PRODH2: variants seen among roughly 807,000 people sequenced by gnomAD.
PRODH2 encodes hydroxyproline dehydrogenase.
PRODH2 carries 49 observed loss-of-function variants against 51.9 expected under a neutral mutation model. The ratio of observed to expected loss-of-function variants is 0.94; its 90% CI spans 0.75 to 1.20. PRODH2 has a LOEUF of 1.20. Among genes scored for constraint, PRODH2 ranks in the 50% most tolerant of loss-of-function variants. The pLI is 0.00. For synonymous variants in PRODH2, 249 were observed against 260.7 expected (o/e 0.96, Z 0.43); for missense variants, 597 against 610.9 (o/e 0.98, Z 0.24).
chr19:35,802,160 C>T, intron 9 of PRODH2, 31 bp downstream of exon 9: 1 of 1,603,034 alleles, frequency 6.2e-7, no homozygotes, highest in Non-Finnish European at 8.5e-7. Context: ...AGGCCTGGGG[C>T]TTGATGGGGG....
chr19:35,812,186 T>C lies in PRODH2; in HGVS notation c.458A>G (p.Glu153Gly). The C allele has an allele frequency of 6.2e-7, 1 of 1,614,144 alleles. No homozygotes were observed. The change falls in exon 3 of 10, where the codon GAG becomes GGG. Residue 153 changes from glutamate to glycine, a missense_variant. Transcript: ENST00000653904. ...CACCTTCAGCTGCATGAGGCTGGCC[T>C]CAGCCAGGCTGGGGGGCTCCAGGAG... The part of the protein sequence containing the change: ...RGLLEPPSLA[E>G]ASLMQLKVTA...
Position 35,812,459 on chromosome 19 carries a change from T to C in PRODH2, c.272A>G (p.Glu91Gly). 1 of 1,614,168 alleles carries C rather than the reference T, an allele frequency of 6.2e-7. No individual in the cohort carries two copies. The highest frequency in any genetic ancestry group is 1.1e-5 in the South Asian group (1 of 91,084). Reference protein sequence around the residue: ...YGQFVAGETAEEVKGCVQQLR... With the variant: ...YGQFVAGETAGEVKGCVQQLR... ...CTGCTGCACGCAGCCCTTCACCTCC[T>C]CTGCTGTCTCACCAGCCACAAACTG... The change falls in exon 2 of 10, where the codon GAG becomes GGG. Residue 91 changes from glutamate to glycine, a missense_variant. Physicochemically the swap from Glu to Gly is moderately conservative, Grantham distance 98 (BLOSUM62 -2). Coordinates refer to ENST00000653904, the MANE Select transcript of PRODH2 (RefSeq NM_021232.2).
At chr19:35,807,200 A>AT in intron 4 of PRODH2, 79 bp from the exon 5 acceptor site, 1 of 1,298,986 alleles carries the variant, frequency 7.7e-7, no homozygotes, top group South Asian at 1.3e-5. Flanking sequence ...GTTAGGTACT[A>AT]TTTATTGAGG....
At chr19:35,803,114 G>A (rs2146779777) in intron 7 of PRODH2, 36 bp from the exon 8 acceptor site, 2 of 1,455,252 alleles carry the variant, frequency 1.4e-6, no homozygotes, top group East Asian at 2.6e-5. Context: ...CACCTGGTGA[G>A]CGAGGGTCAG....
At chr19:35,800,513 T>C (rs1427756353) in intron 9 of PRODH2, among the ~76,000 whole-genome samples, 2 of 152,170 alleles carry the variant, frequency 1.3e-5, no homozygotes, top group Non-Finnish European at 2.9e-5. Flanking sequence ...CCTCCCAAAG[T>C]GCTGGGATTA....
rs372291481 is a variant in PRODH2 at position 35,803,048 on chromosome 19, C to T, written c.1032G>A (p.Thr344=). Residue 344 remains threonine, a synonymous_variant, in exon 8 of 10, where the codon ACG becomes ACA. Transcript: ENST00000653904. The stretch of plus-strand genomic sequence containing the variant: ...ACATGGGGCCATGGCGGGCCACGTG[C>T]GTCAGCATCAGTTCCAGGCAGCGGC... ...SYSRCLELML[T]HVARHGPMCH... is the part of the protein sequence containing the mutation. 8 of 1,564,706 alleles carry T rather than the reference C, an allele frequency of 5.1e-6. No individual in the cohort carries two copies. The African/African-American group carries it at 5.4e-5, about 11-fold the overall frequency.
intron 4 of PRODH2, among the ~76,000 whole-genome samples, chr19:35,809,538 T>C (rs551070681): frequency 6.6e-6 from 1 of 152,236 alleles, no homozygotes; most frequent in African/African-American, 2.4e-5. Flanking sequence ...TTAAAACCAC[T>C]GAGAAGTTGC....
intron 7 of PRODH2, among the ~76,000 whole-genome samples, chr19:35,804,361 T>G (rs1218074721): frequency 6.6e-6 from 1 of 152,196 alleles, no homozygotes; most frequent in East Asian, 1.9e-4. Flanking sequence ...CCCCTGACAC[T>G]TCTATAAACA....
rs1438777467 is a variant in PRODH2 at position 35,812,559 on chromosome 19, G to C, written c.175-3C>G. On this transcript the variant is annotated splice_region_variant and splice_polypyrimidine_tract_variant and intron_variant, in intron 1 of 9. Transcript: ENST00000653904. ...AGTCGCCGAGACCAGGCCTGGAGCT[G>C]GGTGACAGGGAGCGAGGGCTCAGCG... 2 of 1,613,088 alleles carry C rather than the reference G, an allele frequency of 1.2e-6. No homozygotes were observed. Among genetic ancestry groups the C allele is most frequent in the Admixed American group, 1.7e-5 (1 of 59,950 alleles).
Position 35,803,014 on chromosome 19 carries a change from T to C in PRODH2, c.1066A>G (p.Met356Val). 6.3e-7 allele frequency: 1 copy of C among 1,577,910 alleles called. No individual in the cohort carries two copies. The highest frequency in any genetic ancestry group is 8.6e-7 in the Non-Finnish European group (1 of 1,158,616). Reference sequence around the variant, plus strand: ...GATTCCTCATTGTGGGAAGCCACCATGAGGTGGCACATGGGGCCATGGCGG... The same window carrying C: ...GATTCCTCATTGTGGGAAGCCACCACGAGGTGGCACATGGGGCCATGGCGG... ...VARHGPMCHL[M>V]VASHNEESVR... is the part of the protein sequence containing the mutation. The change falls in exon 8 of 10, where the codon ATG becomes GTG. Residue 356 changes from methionine (M) to valine (V), a missense_variant. By Grantham distance (21) the Met-to-Val change is conservative (BLOSUM62 1). Coordinates refer to ENST00000653904, the MANE Select transcript of PRODH2 (RefSeq NM_021232.2).
At chr19:35,810,184 G>A (rs1003732620) in intron 4 of PRODH2, among the ~76,000 whole-genome samples, 1 of 148,878 alleles carries the variant, frequency 6.7e-6, no homozygotes, top group Non-Finnish European at 1.5e-5. Context: ...AGGAGAACCC[G>A]GGAGGCGGAG....
intron 8 of PRODH2, 78 bp from the exon 9 acceptor site, chr19:35,802,354 G>T: frequency 8.3e-7 from 1 of 1,209,872 alleles, no homozygotes. Context: ...CACCCATATG[G>T]CGGCTCCAGT....
intron 9 of PRODH2, among the ~76,000 whole-genome samples, chr19:35,801,192 T>C (rs923555828): frequency 1.3e-5 from 2 of 151,938 alleles, no homozygotes; most frequent in Non-Finnish European, 2.9e-5. Flanking sequence ...AAGCTGGGCG[T>C]GGTGGCTCAC....
chr19:35,805,877 T>C (rs1483132498), intron 7 of PRODH2, among the ~76,000 whole-genome samples: 1 of 151,960 alleles, frequency 6.6e-6, no homozygotes, highest in Non-Finnish European at 1.5e-5. Flanking sequence ...AGGTGAGGGA[T>C]GGGGCCATGC....
rs1234081132 is a variant in PRODH2 at position 35,810,306 on chromosome 19, CAAAT to C, written c.597+1652_597+1655del. Among the ~76,000 whole-genome samples, 10 of 146,388 alleles carry C rather than the reference CAAAT, an allele frequency of 6.8e-5. 1 individual carries two copies. The highest frequency in any genetic ancestry group is 1.0e-4 in the Non-Finnish European group (7 of 67,462). The stretch of plus-strand genomic sequence containing the variant: ...TAATAATAATAAATAAATAGATAAA[CAAAT>C]AAAAATTACAAATAAAAAAAGGTTA... On this transcript the variant is annotated intron_variant, in intron 4 of 9. Coordinates refer to ENST00000653904, the MANE Select transcript of PRODH2 (RefSeq NM_021232.2).
At chr19:35,800,977 G>C (rs1972415445) in intron 9 of PRODH2, among the ~76,000 whole-genome samples, 1 of 152,072 alleles carries the variant, frequency 6.6e-6, no homozygotes, top group African/African-American at 2.4e-5. Flanking sequence ...GACCAACCTG[G>C]CCAACATGGT....
chr19:35,811,378 C>CAAAGAG (rs1360414211), intron 4 of PRODH2, among the ~76,000 whole-genome samples: 1 of 123,238 alleles, frequency 8.1e-6, no homozygotes, highest in Non-Finnish European at 1.6e-5. Context: ...TACAGTAAGA[C>CAAAGAG]AAAGAGAAAG....
At chr19:35,801,914 G>A (rs1298034016) in intron 9 of PRODH2, 1 of 448,322 alleles carries the variant, frequency 2.2e-6, no homozygotes, top group Non-Finnish European at 4.1e-6. Context: ...CTTAGCACCT[G>A]GCAGAAGGAA....
intron 4 of PRODH2, among the ~76,000 whole-genome samples, chr19:35,807,453 C>T (rs557418752): frequency 3.9e-5 from 6 of 152,256 alleles, no homozygotes; most frequent in Middle Eastern, 3.4e-3. Context: ...CAGGCGCCCG[C>T]CACCATGCCC....
Sources: allele counts gnomAD v4.1 joint callset (sites outside exome capture counted in the v4.1 genomes callset), GRCh38; gene constraint gnomAD v4.1.1; transcripts MANE v1.5; gene names NCBI Gene and HGNC (gene_info 2026-07-23, HGNC 2026-07-21).